FOXN1: variants seen among roughly 807,000 people sequenced by gnomAD.
FOXN1 encodes the protein forkhead box protein N1.
Under a neutral mutation model 49.0 loss-of-function variants are expected in FOXN1, and 15 were observed. That is an observed-to-expected ratio of 0.31 (90% confidence interval 0.20 to 0.47). The LOEUF (loss-of-function observed/expected upper bound fraction) is 0.47. Ranked by LOEUF, FOXN1 falls within the 20% of genes least tolerant of loss-of-function variation. The pLI is 1.00. For missense variants in FOXN1, 800 were observed against 842.8 expected (o/e 0.95, Z 0.63); for synonymous variants, 356 against 369.0 (o/e 0.96, Z 0.40).
chr17:28,510,567 C>T (rs1473486434), intron 1 of FOXN1, among the ~76,000 whole-genome samples: 3 of 122,876 alleles, frequency 2.4e-5, no homozygotes, highest in East Asian at 4.3e-4. Context: ...CACACACACA[C>T]ACGCACACAC....
chr17:28,529,035 G>A (rs768352233), intron 4 of FOXN1, 59 bp from the exon 5 acceptor site: 3 of 1,609,286 alleles, frequency 1.9e-6, no homozygotes, highest in Non-Finnish European at 2.6e-6. Context: ...TGGGGAGGAG[G>A]GCCCTCCTGG....
chr17:28,512,294 AC>A, intron 1 of FOXN1, among the ~76,000 whole-genome samples: 1 of 152,258 alleles, frequency 6.6e-6, no homozygotes, highest in Non-Finnish European at 1.5e-5. Context: ...TTCTCTAGAA[AC>A]CAATGTCTAA....
intron 1 of FOXN1, among the ~76,000 whole-genome samples, chr17:28,510,647 C>T (rs969771533): frequency 5.3e-5 from 8 of 152,004 alleles, no homozygotes; most frequent in African/African-American, 1.9e-4. Flanking sequence ...TTATCAGACT[C>T]TGCACTTAGC....
At chr17:28,515,953 G>A (rs2069485127) in intron 1 of FOXN1, among the ~76,000 whole-genome samples, 2 of 148,622 alleles carry the variant, frequency 1.3e-5, no homozygotes, top group African/African-American at 2.5e-5. Context: ...CTCAACAGGT[G>A]TACACCCCTC....
chr17:28,506,678 T>A (rs1555606161), intron 1 of FOXN1, among the ~76,000 whole-genome samples: 1 of 152,224 alleles, frequency 6.6e-6, no homozygotes, highest in African/African-American at 2.4e-5. Context: ...TCCCTCTTGC[T>A]GTGGTGTGGG....
chr17:28,530,797 C>A lies in FOXN1; in HGVS notation c.879C>A (p.Pro293=), dbSNP rs374220152. 2 of 1,603,106 alleles carry A rather than the reference C, an allele frequency of 1.2e-6. No individual in the cohort carries two copies. Among genetic ancestry groups the A allele is most frequent in the South Asian group, 2.2e-5 (2 of 90,682 alleles). ...ALKNSKTGSL[P]VSEIYNFMTE... Reference sequence around the variant, plus strand: ...AGAACAGTAAAACTGGGAGCCTTCCCGTCAGCGAGATCTACAATTTTATGA... The same window carrying A: ...AGAACAGTAAAACTGGGAGCCTTCCAGTCAGCGAGATCTACAATTTTATGA... The change falls in exon 6 of 9, where the codon CCC becomes CCA. Residue 293 remains proline (P), a synonymous_variant. Transcript: ENST00000579795.
At chr17:28,509,584 C>T (rs2069345235) in intron 1 of FOXN1, among the ~76,000 whole-genome samples, 1 of 152,218 alleles carries the variant, frequency 6.6e-6, no homozygotes, top group Admixed American at 6.5e-5. Flanking sequence ...ACAAAACGAG[C>T]AGGACAAGAT....
In FOXN1 at chr17:28,534,522, A is replaced by G. The variant is rs917639702; in HGVS notation, c.1119A>G (p.Lys373=). The G allele has an allele frequency of 6.2e-7, 1 of 1,613,638 alleles. No homozygotes were observed. Among genetic ancestry groups the G allele is most frequent in the Non-Finnish European group, 8.5e-7 (1 of 1,179,960 alleles). Reference sequence around the variant, plus strand: ...GGAAAGATCCCATTGCTGTGCGCAAAAGCATGGCCAAGCCAGGTGAGGCCG... The same window carrying G: ...GGAAAGATCCCATTGCTGTGCGCAAGAGCATGGCCAAGCCAGGTGAGGCCG... ...WKRKDPIAVR[K]SMAKPEELDS... Residue 373 remains lysine, a synonymous_variant, in exon 7 of 9, where the codon AAA becomes AAG. Transcript: ENST00000579795. This position sits in a 1 kb window ranked among gnomAD's most constrained non-coding sequence, Gnocchi z 4.1.
rs375101519 is a variant in FOXN1, at chr17:28,538,495, G to A, written c.*1059G>A. 3.3e-5 allele frequency: 5 copies of A among 152,166 alleles called. No homozygotes were observed. The East Asian group carries it at 5.8e-4, about 18-fold the overall frequency. The allele number at this position is 152,166 out of a possible 1,614,324, so 9.4% of individuals were successfully genotyped here. ...AAGTCAAAAACCACTTTCGACTTAC[G>A]ATGTTTCCCACTCACGATGGGTTTC... On this transcript the variant is annotated 3_prime_UTR_variant, in exon 9 of 9. Transcript: ENST00000579795.
At chr17:28,525,739 A>G (rs1176479164) in intron 3 of FOXN1, among the ~76,000 whole-genome samples, 6 of 151,702 alleles carry the variant, frequency 4.0e-5, no homozygotes, top group African/African-American at 1.5e-4. Context: ...TCTTGCTTTC[A>G]AACAGGCCCC....
chr17:28,521,448 A>G (rs912762991), intron 1 of FOXN1, among the ~76,000 whole-genome samples: 1 of 152,256 alleles, frequency 6.6e-6, no homozygotes, highest in Non-Finnish European at 1.5e-5. Context: ...GCCTCCAGGC[A>G]GGCCCGAGCT....
intron 1 of FOXN1, among the ~76,000 whole-genome samples, chr17:28,507,983 A>C (rs2069299739): frequency 6.6e-6 from 1 of 152,188 alleles, no homozygotes; most frequent in Non-Finnish European, 1.5e-5. Context: ...AAGGAGCCAC[A>C]GGGAGAGGCG....
At chr17:28,525,577 C>A (rs2069748631) in intron 3 of FOXN1, among the ~76,000 whole-genome samples, 1 of 152,170 alleles carries the variant, frequency 6.6e-6, no homozygotes, top group Non-Finnish European at 1.5e-5. Flanking sequence ...GTCAACATTA[C>A]CTGTCTCATG....
chr17:28,516,275 A>G lies in FOXN1; in HGVS notation c.-14-7681A>G, dbSNP rs2069498032. Among the ~76,000 whole-genome samples, 4 of 151,502 alleles carry G rather than the reference A, an allele frequency of 2.6e-5. No homozygotes were observed. The South Asian group carries it at 8.3e-4, about 32-fold the overall frequency. On this transcript the variant is annotated intron_variant, in intron 1 of 8. Transcript: ENST00000579795. Reference sequence around the variant, plus strand: ...ATCTCCACAGAATCCATACCTCCACAGGGTACACACCTCTACAGGGTACAC... The same window carrying G: ...ATCTCCACAGAATCCATACCTCCACGGGGTACACACCTCTACAGGGTACAC...
chr17:28,508,776 T>A (rs909238415), intron 1 of FOXN1, among the ~76,000 whole-genome samples: 1 of 152,068 alleles, frequency 6.6e-6, no homozygotes, highest in Non-Finnish European at 1.5e-5. Context: ...TGCCTCCCCA[T>A]CTGCCCATAA....
chr17:28,535,534 G>A (rs897208245), intron 8 of FOXN1, among the ~76,000 whole-genome samples: 2 of 152,242 alleles, frequency 1.3e-5, no homozygotes, highest in African/African-American at 4.8e-5. Flanking sequence ...CAGATCACCT[G>A]AGGTCAGGCA....
chr17:28,515,491 A>T (rs2069475950), intron 1 of FOXN1, among the ~76,000 whole-genome samples: 1 of 151,732 alleles, frequency 6.6e-6, no homozygotes, highest in Non-Finnish European at 1.5e-5. Flanking sequence ...ATACTTCCAT[A>T]GGTGAACATA....
chr17:28,533,364 C>T (rs1281056042), intron 6 of FOXN1, among the ~76,000 whole-genome samples: 5 of 152,162 alleles, frequency 3.3e-5, no homozygotes, highest in South Asian at 2.1e-4. Context: ...CTGGCACTCC[C>T]GCCACCGCCT....
chr17:28,534,999 C>T lies in FOXN1; in HGVS notation c.1428C>T (p.Asp476=), dbSNP rs745515677. 40 of 1,613,828 alleles carry T rather than the reference C, an allele frequency of 2.5e-5. No homozygotes were observed. The highest frequency in any genetic ancestry group is 1.3e-4 in the African/African-American group (10 of 74,936). Residue 476 remains aspartate, a synonymous_variant, in exon 8 of 9, where the codon GAC becomes GAT. Transcript: ENST00000579795. The surrounding 1 kb of genome is among the most constrained non-coding windows in gnomAD (Gnocchi z 4.1). ...CGCAGCCATTGTTCCCACAGCCGGACGGGCACCTTGAGCTGCGGGCCCAGC... is the reference window on the plus strand; with the variant it reads ...CGCAGCCATTGTTCCCACAGCCGGATGGGCACCTTGAGCTGCGGGCCCAGC... The part of the protein sequence containing the change: ...GPPQPLFPQP[D]GHLELRAQPG...
Sources: allele counts gnomAD v4.1 joint callset (sites outside exome capture counted in the v4.1 genomes callset), GRCh38; gene constraint gnomAD v4.1.1; non-coding constraint Gnocchi (gnomAD v3.1); transcripts MANE v1.5; gene names NCBI Gene and HGNC (gene_info 2026-07-23, HGNC 2026-07-21).